SMAP1: variants seen among roughly 807,000 people sequenced by gnomAD.
SMAP1 encodes the protein stromal membrane-associated protein 1.
A neutral mutation model predicts 58.5 loss-of-function variants in SMAP1; 24 were observed. The observed-to-expected ratio is 0.41, with a 90% CI of 0.30 to 0.58. SMAP1 has a LOEUF of 0.58. Ranked by LOEUF, SMAP1 falls within the 20% of genes least tolerant of loss-of-function variation. SMAP1 has a pLI of 0.29. For missense variants in SMAP1, 563 were observed against 566.3 expected (o/e 0.99, Z 0.06); for synonymous variants, 216 against 196.6 (o/e 1.10, Z -0.82).
chr6:70,773,801 T>A (rs1365806397), intron 4 of SMAP1, among the ~76,000 whole-genome samples: 1 of 152,152 alleles, frequency 6.6e-6, no homozygotes, highest in African/African-American at 2.4e-5. Flanking sequence ...GTTGGTCCAT[T>A]GAGAAATGAA....
chr6:70,672,287 A>G (rs972672453), intron 1 of SMAP1, among the ~76,000 whole-genome samples: 2 of 152,148 alleles, frequency 1.3e-5, no homozygotes, highest in African/African-American at 4.8e-5. Context: ...ACTTTTGCCC[A>G]TTGGTGGTCT....
At chr6:70,705,764 C>T (rs545935153) in intron 1 of SMAP1, among the ~76,000 whole-genome samples, 8 of 152,124 alleles carry the variant, frequency 5.3e-5, no homozygotes, top group Non-Finnish European at 1.0e-4. Context: ...ATGTATTTCA[C>T]GCCCTTTAAT....
chr6:70,814,247 C>T lies in SMAP1; in HGVS notation c.576+15510C>T, dbSNP rs766001053. On this transcript the variant is annotated intron_variant, in intron 6 of 10. Coordinates refer to ENST00000370455, the MANE Select transcript of SMAP1 (RefSeq NM_001044305.3). ...TCATTTGACATTCTTCGTTGTGGAT[C>T]GGAAGAAATAGAGACTCTCTCTTTT... is the stretch of plus-strand genomic sequence containing the variant. Among the ~76,000 whole-genome samples the T allele has an allele frequency of 3.3e-5, 5 of 152,054 alleles. No individual in the cohort carries two copies. In the South Asian group the frequency reaches 6.2e-4, roughly 19 times the overall value.
intron 7 of SMAP1, among the ~76,000 whole-genome samples, chr6:70,845,762 T>A (rs1770962885): frequency 6.6e-6 from 1 of 152,188 alleles, no homozygotes; most frequent in African/African-American, 2.4e-5. Flanking sequence ...AAGATATGGC[T>A]CCGACCAGTG....
chr6:70,846,377 C>T (rs1770989936), intron 7 of SMAP1, among the ~76,000 whole-genome samples: 1 of 152,084 alleles, frequency 6.6e-6, no homozygotes, highest in Non-Finnish European at 1.5e-5. Context: ...TTCCTGGTGA[C>T]GAAGCAGGTG....
chr6:70,785,319 T>C (rs1398237241), intron 4 of SMAP1, among the ~76,000 whole-genome samples: 1 of 151,494 alleles, frequency 6.6e-6, no homozygotes, highest in Non-Finnish European at 1.5e-5. Flanking sequence ...TAGAGGGAAA[T>C]TTATAGCACT....
chr6:70,714,741 C>G (rs972321588), intron 1 of SMAP1, among the ~76,000 whole-genome samples: 1 of 152,056 alleles, frequency 6.6e-6, no homozygotes, highest in Non-Finnish European at 1.5e-5. Flanking sequence ...TGTTTTGCAT[C>G]TTTTCATTTC....
At chr6:70,764,798 C>G (rs1432163905) in intron 3 of SMAP1, among the ~76,000 whole-genome samples, 1 of 152,062 alleles carries the variant, frequency 6.6e-6, no homozygotes, top group Non-Finnish European at 1.5e-5. Flanking sequence ...GTTTTACTTT[C>G]AAGTGTTTTT....
intron 2 of SMAP1, among the ~76,000 whole-genome samples, chr6:70,737,463 T>C (rs1466243048): frequency 6.6e-6 from 1 of 152,184 alleles, no homozygotes; most frequent in Non-Finnish European, 1.5e-5. Flanking sequence ...GTATTTTGCA[T>C]ATTCCTTGTG....
At chr6:70,735,645 C>T (rs111753429) in intron 2 of SMAP1, among the ~76,000 whole-genome samples, 1 of 151,990 alleles carries the variant, frequency 6.6e-6, no homozygotes, top group Non-Finnish European at 1.5e-5. Context: ...AACACACACC[C>T]GTAGTCCCAG....
Position 70,798,648 on chromosome 6 carries a change from G to C in SMAP1, c.496-9G>C, listed in dbSNP as rs1267795021. On this transcript the variant is annotated splice_polypyrimidine_tract_variant and intron_variant, in intron 5 of 10. Transcript: ENST00000370455. Reference sequence around the variant, plus strand: ...AGTAAACTTATCAAAACTTTGGGCTGTGTTTTAGAAAGAAAAGGAAAAAAA... The same window carrying C: ...AGTAAACTTATCAAAACTTTGGGCTCTGTTTTAGAAAGAAAAGGAAAAAAA... 6.7e-7 allele frequency: 1 copy of C among 1,495,980 alleles called. No individual in the cohort carries two copies. Among genetic ancestry groups the C allele is most frequent in the African/African-American group, 1.4e-5 (1 of 69,910 alleles). 92.7% of individuals were successfully genotyped at this position (1,495,980 alleles called of 1,614,324 possible).
At chr6:70,785,228 A>G (rs887980127) in intron 4 of SMAP1, among the ~76,000 whole-genome samples, 1 of 152,242 alleles carries the variant, frequency 6.6e-6, no homozygotes, top group Non-Finnish European at 1.5e-5. Flanking sequence ...AAATGAAGGC[A>G]TAAATAAAGA....
intron 2 of SMAP1, among the ~76,000 whole-genome samples, chr6:70,745,917 T>C (rs962504166): frequency 6.6e-6 from 1 of 152,178 alleles, no homozygotes; most frequent in African/African-American, 2.4e-5. Context: ...TTCCCAGGTA[T>C]TTTATTCTCT....
At chr6:70,828,657 C>G (rs1770237082) in intron 6 of SMAP1, among the ~76,000 whole-genome samples, 1 of 152,210 alleles carries the variant, frequency 6.6e-6, no homozygotes. Context: ...TATTTAGGTC[C>G]TTCCACATTG....
At chr6:70,725,216 A>G (rs1020239036) in intron 1 of SMAP1, among the ~76,000 whole-genome samples, 1 of 139,002 alleles carries the variant, frequency 7.2e-6, no homozygotes, top group Admixed American at 8.5e-5. Flanking sequence ...TCCCGGGTTC[A>G]CATTATTCTC....
Position 70,718,054 on chromosome 6 carries a change from A to G in SMAP1, c.119-14324A>G, listed in dbSNP as rs114571285. 8.3e-3 allele frequency among the ~76,000 whole-genome samples: 1,268 copies of G among 152,134 alleles called. 18 individuals are homozygous for G. Among genetic ancestry groups the G allele is most frequent in the African/African-American group, 0.029 (1,207 of 41,528 alleles). On this transcript the variant is annotated intron_variant, in intron 1 of 10. Coordinates refer to ENST00000370455, the MANE Select transcript of SMAP1 (RefSeq NM_001044305.3). Reference sequence around the variant, plus strand: ...TTATTAATATTCCATCCTCCCCACAAGCTCCACAAGCTCCCCTTCCAATTT... The same window carrying G: ...TTATTAATATTCCATCCTCCCCACAGGCTCCACAAGCTCCCCTTCCAATTT...
chr6:70,700,105 TAGTG>T lies in SMAP1; in HGVS notation c.118+31972_118+31975del, dbSNP rs548606319. 2.0e-4 allele frequency among the ~76,000 whole-genome samples: 31 copies of T among 152,178 alleles called. No individual in the cohort carries two copies. In the East Asian group the frequency reaches 2.7e-3, roughly 13 times the overall value. On this transcript the variant is annotated intron_variant, in intron 1 of 10. Coordinates refer to ENST00000370455, the MANE Select transcript of SMAP1 (RefSeq NM_001044305.3). Reference sequence around the variant, plus strand: ...TCGTACCTTCGTGCTGTTCTTGAGATAGTGAGTGAGTTCTCATGAGATATGATTA... The same window carrying T: ...TCGTACCTTCGTGCTGTTCTTGAGATAGTGAGTTCTCATGAGATATGATTA...
intron 4 of SMAP1, among the ~76,000 whole-genome samples, chr6:70,778,733 G>T (rs1260178067): frequency 3.9e-5 from 6 of 152,218 alleles, no homozygotes; most frequent in Non-Finnish European, 8.8e-5. Context: ...TACGTCGGTT[G>T]TCAGGCCCCT....
At chr6:70,725,101 T>G (rs1214366272) in intron 1 of SMAP1, among the ~76,000 whole-genome samples, 8 of 25,394 alleles carry the variant, frequency 3.2e-4, no homozygotes, top group Admixed American at 7.3e-4. Context: ...GTGTTTTTTT[T>G]TTTTTTTTTT....
Sources: gnomAD v4.1 joint callset for allele counts (sites outside exome capture counted in the v4.1 genomes callset) on GRCh38, gnomAD v4.1.1 for gene constraint, MANE v1.5 for transcripts, NCBI Gene and HGNC (gene_info 2026-07-23, HGNC 2026-07-21) for gene names.